CELSR2: variants seen among roughly 807,000 people sequenced by gnomAD.
The protein encoded by CELSR2 is EGF-like protein 2.
Under a neutral mutation model 251.6 loss-of-function variants are expected in CELSR2, and 81 were observed. The observed-to-expected ratio is 0.32, with a 90% CI of 0.27 to 0.39. The LOEUF is 0.39. Ranked by LOEUF, CELSR2 falls within the 10% of genes least tolerant of loss-of-function variation. The pLI is 1.00. For synonymous variants in CELSR2, 1,721 were observed against 1,670.5 expected, an observed-to-expected ratio of 1.03 and a Z score of -0.74; for missense variants, 3,365 against 3,947.7, an observed-to-expected ratio of 0.85 and a Z score of 3.96.
Position 109,258,520 on chromosome 1 carries a change from G to C in CELSR2, c.3399G>C (p.Leu1133=). The C allele has an allele frequency of 6.2e-7, 1 of 1,604,528 alleles. No individual in the cohort carries two copies. Among genetic ancestry groups the C allele is most frequent in the Middle Eastern group, 1.7e-4 (1 of 6,048 alleles). ...EMLTHSITLR[L]EDMSPERFLS... ...TCACCCACAGCATCACGCTGCGCCT[G>C]GAGGACATGTCACCCGAGCGCTTCC... The change falls in exon 2 of 34, where the codon CTG becomes CTC. Residue 1133 remains leucine (L), a synonymous_variant. Transcript: ENST00000271332.
chr1:109,267,941 G>T lies in CELSR2; in HGVS notation c.6199G>T (p.Ala2067Ser). 1.2e-6 allele frequency: 2 copies of T among 1,611,760 alleles called. No homozygotes were observed. The highest frequency in any genetic ancestry group is 2.2e-5 in the South Asian group (2 of 91,072). ...CCTGCGCAACGCCACGCAGCACACA[G>T]CTGGCTACTTCGGCAGCGACGTCAA... Reference protein sequence around the residue: ...LLLRNATQHTAGYFGSDVKVA... With the variant: ...LLLRNATQHTSGYFGSDVKVA... Residue 2067 changes from alanine (A) to serine (S), a missense_variant, in exon 17 of 34, where the codon GCT becomes TCT. This residue lies in a region of CELSR2 where 2,093 missense variants were observed against 2,382.8 expected (regional missense o/e 0.88). Transcript: ENST00000271332.
rs6697131 is a variant in CELSR2 at position 109,262,552 on chromosome 1, A to G, written c.4544+108A>G. The G allele has an allele frequency of 0.011, 15,590 of 1,467,550 alleles. 1,266 individuals are homozygous for G. The African/African-American group carries it at 0.19, about 18-fold the overall frequency. The allele number at this position is 1,467,550 out of a possible 1,614,324, so 90.9% of individuals were successfully genotyped here. A position where few individuals can be genotyped will look rare whatever the true frequency, so the allele number is the denominator to read the frequency against. Reference sequence around the variant, plus strand: ...GGGTCTCTCTCCCTTTGCCTCTCTTAGCCCCTGCTCAGCCCTGGGGATGGG... The same window carrying G: ...GGGTCTCTCTCCCTTTGCCTCTCTTGGCCCCTGCTCAGCCCTGGGGATGGG... On this transcript the variant is annotated intron_variant, in intron 6 of 33. Transcript: ENST00000271332.
intron 15 of CELSR2, among the ~76,000 whole-genome samples, chr1:109,267,126 T>C (rs1353883049): frequency 2.0e-5 from 3 of 151,948 alleles, no homozygotes; most frequent in Non-Finnish European, 4.4e-5. Flanking sequence ...AATCGTCAGC[T>C]CACCACCGAG....
chr1:109,270,235 T>G, intron 23 of CELSR2, 102 bp downstream of exon 23: 1 of 1,362,840 alleles, frequency 7.3e-7, no homozygotes. Context: ...TCTAATAAGG[T>G]GCCTAGTGCA....
At chr1:109,271,164 G>A in intron 25 of CELSR2, 53 bp from the exon 26 acceptor site, 1 of 1,576,038 alleles carries the variant, frequency 6.3e-7, no homozygotes, top group African/African-American at 1.3e-5. Context: ...CTGTGGGCTG[G>A]GTGGAAGCTG....
At position 109,269,917 on chromosome 1, in the gene CELSR2, G is replaced by T; in HGVS notation, c.7108-16G>T. On this transcript the variant is annotated splice_polypyrimidine_tract_variant and intron_variant, in intron 22 of 33. Transcript: ENST00000271332. The surrounding 1 kb of genome is among the most constrained non-coding windows in gnomAD (Gnocchi z 6.4). ...GCCCTTCCTAATTCCCTGGCCCCCT[G>T]CCACCTACTCTGCAGAATGGGGAGA... 7 of 1,614,098 alleles carry T rather than the reference G, an allele frequency of 4.3e-6. No homozygotes were observed. Among genetic ancestry groups the T allele is most frequent in the Non-Finnish European group, 5.9e-6 (7 of 1,179,990 alleles).
In CELSR2 at chr1:109,270,513, C is replaced by T. The variant is rs779033588; in HGVS notation, c.7396C>T (p.Arg2466Trp). The T allele has an allele frequency of 1.8e-5, 29 of 1,614,212 alleles. No homozygotes were observed. Among genetic ancestry groups the T allele is most frequent in the Middle Eastern group, 3.3e-4 (2 of 6,062 alleles). The change falls in exon 24 of 34, where the codon CGG (arginine) becomes TGG (tryptophan). Residue 2466 changes from arginine (R) to tryptophan (W), a missense_variant. Arg to Trp is a moderately radical substitution (Grantham distance 101, BLOSUM62 -3). This residue lies in a region of CELSR2 where 2,093 missense variants were observed against 2,382.8 expected (regional missense o/e 0.88). Coordinates refer to ENST00000271332, the MANE Select transcript of CELSR2 (RefSeq NM_001408.3). ...WALLEALHLY[R>W]ALTEVRDVNT... is the part of the protein sequence containing the mutation. ...TCTGCTGGAGGCCTTGCACCTGTAC[C>T]GGGCACTCACTGAGGTGCGCGATGT...
In CELSR2 at chr1:109,262,413, G is replaced by A; in HGVS notation, c.4513G>A (p.Ala1505Thr). 1 of 1,614,106 alleles carries A rather than the reference G, an allele frequency of 6.2e-7. No individual in the cohort carries two copies. Among genetic ancestry groups the A allele is most frequent in the Non-Finnish European group, 8.5e-7 (1 of 1,180,038 alleles). ...ATCTGTCCTGGGCAACTACTCCTGT[G>A]CTGCCCAGGGCACCCAGGGTGGCAG... The part of the protein sequence containing the change: ...FGSVLGNYSC[A>T]AQGTQGGSKK... Residue 1505 changes from alanine to threonine, a missense_variant, in exon 6 of 34, where the codon GCT becomes ACT. This residue lies in a region of CELSR2 where 2,093 missense variants were observed against 2,382.8 expected (regional missense o/e 0.88). Transcript: ENST00000271332.
At position 109,268,144 on chromosome 1, in the gene CELSR2, G is replaced by A. The variant is rs186144500; in HGVS notation, c.6318+84G>A. ...GCTCATGGCAACCTGGGGGGCAGAG[G>A]GGGCCCTCCCATCCCACCTACAAGG... On this transcript the variant is annotated intron_variant, in intron 17 of 33. Transcript: ENST00000271332. 8.0e-6 allele frequency: 12 copies of A among 1,505,626 alleles called. No homozygotes were observed. The Admixed American group carries it at 1.9e-4, about 24-fold the overall frequency. The allele number at this position is 1,505,626 out of a possible 1,614,324, so 93.3% of individuals were successfully genotyped here.
In CELSR2 at chr1:109,250,225, G is replaced by A; in HGVS notation, c.146G>A (p.Gly49Glu). The A allele has an allele frequency of 6.2e-7, 1 of 1,603,368 alleles. No individual in the cohort carries two copies. The highest frequency in any genetic ancestry group is 8.5e-7 in the Non-Finnish European group (1 of 1,175,550). ...SLGSRGRGSS[G>E]ACAPMGWLCP... ...GGGTCCAGGGGACGAGGCTCTTCGG[G>A]GGCCTGCGCCCCCATGGGCTGGCTC... Residue 49 changes from glycine (G) to glutamate (E), a missense_variant, in exon 1 of 34, where the codon GGG (glycine) becomes GAG (glutamate). Physicochemically the swap from Gly to Glu is moderately conservative, Grantham distance 98. This residue lies in a region of CELSR2 where 704 missense variants were observed against 784.1 expected (regional missense o/e 0.90). Coordinates refer to ENST00000271332, the MANE Select transcript of CELSR2 (RefSeq NM_001408.3). This position sits in a 1 kb window ranked among gnomAD's most constrained non-coding sequence, Gnocchi z 4.4.
Position 109,259,046 on chromosome 1 carries a change from G to T in CELSR2, c.3925G>T (p.Gly1309Cys). The T allele has an allele frequency of 6.3e-7, 1 of 1,594,054 alleles. No homozygotes were observed. The change falls in exon 2 of 34, where the codon GGC (glycine) becomes TGC (cysteine). Residue 1309 changes from glycine to cysteine, a missense_variant. Physicochemically the swap from Gly to Cys is radical, Grantham distance 159. Transcript: ENST00000271332. ...PHGRCRSREG[G>C]YTCLCRDGYT... ...CGGGCGCTGCCGCAGCCGCGAGGGC[G>T]GCTACACCTGCCTCTGTCGTGATGG...
In CELSR2 at chr1:109,265,267, T is replaced by C. The variant is rs1009187395; in HGVS notation, c.5683T>C (p.Phe1895Leu). The stretch of plus-strand genomic sequence containing the variant: ...ATGCAACTGTGATGTCAGCAAAGGC[T>C]TTGACCCAGACTGCAACAAGACAAG... ...GPCNCDVSKG[F>L]DPDCNKTSGE... The change falls in exon 13 of 34, where the codon TTT (phenylalanine) becomes CTT (leucine). Residue 1895 changes from phenylalanine to leucine, a missense_variant. Coordinates refer to ENST00000271332, the MANE Select transcript of CELSR2 (RefSeq NM_001408.3). 1.2e-6 allele frequency: 2 copies of C among 1,612,672 alleles called. No homozygotes were observed. Among genetic ancestry groups the C allele is most frequent in the African/African-American group, 1.3e-5 (1 of 75,004 alleles).
Position 109,252,387 on chromosome 1 carries a change from C to A in CELSR2, c.2308C>A (p.Gln770Lys). 6.2e-7 allele frequency: 1 copy of A among 1,613,188 alleles called. No homozygotes were observed. The highest frequency in any genetic ancestry group is 8.5e-7 in the Non-Finnish European group (1 of 1,180,022). The stretch of plus-strand genomic sequence containing the variant: ...TGCAGACACGGGGGCTGTCACCACC[C>A]AGGCTGAGCTGGACTATGAAGACCA... The part of the protein sequence containing the change: ...IDADTGAVTT[Q>K]AELDYEDQVS... Residue 770 changes from glutamine to lysine, a missense_variant, in exon 1 of 34, where the codon CAG becomes AAG. Around this residue, in one of 5 missense-constraint regions of CELSR2, gnomAD observed 505 missense variants for 660.0 expected, o/e 0.77. Transcript: ENST00000271332. The surrounding 1 kb of genome is among the most constrained non-coding windows in gnomAD (Gnocchi z 4.8).
In CELSR2 at chr1:109,265,790, C is replaced by G; in HGVS notation, c.5783C>G (p.Pro1928Arg). 6.2e-7 allele frequency: 1 copy of G among 1,614,088 alleles called. No homozygotes were observed. The highest frequency in any genetic ancestry group is 8.5e-7 in the Non-Finnish European group (1 of 1,179,964). The change falls in exon 14 of 34, where the codon CCC becomes CGC. Residue 1928 changes from proline to arginine, a missense_variant. Physicochemically the swap from Pro to Arg is moderately radical, Grantham distance 103. This residue lies in a region of CELSR2 where 2,093 missense variants were observed against 2,382.8 expected (regional missense o/e 0.88). Coordinates refer to ENST00000271332, the MANE Select transcript of CELSR2 (RefSeq NM_001408.3). ...ACCTGCCTCTTGTGTGACTGCTACC[C>G]CACAGGCTCCTTGTCCAGAGTCTGT... ...SPTCLLCDCY[P>R]TGSLSRVCDP...
Position 109,258,970 on chromosome 1 carries a change from C to T in CELSR2, c.3849C>T (p.Asp1283=). The T allele has an allele frequency of 6.2e-7, 1 of 1,610,410 alleles. No homozygotes were observed. Among genetic ancestry groups the T allele is most frequent in the Non-Finnish European group, 8.5e-7 (1 of 1,179,610 alleles). Residue 1283 remains aspartate (D), a synonymous_variant, in exon 2 of 34, where the codon GAC becomes GAT. Coordinates refer to ENST00000271332, the MANE Select transcript of CELSR2 (RefSeq NM_001408.3). ...GCTGCCCGCCCGGCTTCACGGGTGA[C>T]TACTGCGAGACCGAGGTGGACCTCT... ...RCRCPPGFTG[D]YCETEVDLCY... is the part of the protein sequence containing the mutation.
Position 109,268,067 on chromosome 1 carries a change from C to T in CELSR2, c.6318+7C>T. On this transcript the variant is annotated splice_region_variant and intron_variant, in intron 17 of 33. Coordinates refer to ENST00000271332, the MANE Select transcript of CELSR2 (RefSeq NM_001408.3). ...GGACGTGCACTTCACTGAGGTGGGGCTTGGAGGATGCAGGGCTGGCTGGTT... is the reference window on the plus strand; with the variant it reads ...GGACGTGCACTTCACTGAGGTGGGGTTTGGAGGATGCAGGGCTGGCTGGTT... 6.3e-7 allele frequency: 1 copy of T among 1,585,998 alleles called. No individual in the cohort carries two copies.
chr1:109,271,170 A>G (rs1411205712), intron 25 of CELSR2, 47 bp from the exon 26 acceptor site: 1 of 1,582,412 alleles, frequency 6.3e-7, no homozygotes. Context: ...GCTGGGTGGA[A>G]GCTGTTTGTC....
chr1:109,255,571 C>T lies in CELSR2; in HGVS notation c.3310+2182C>T, dbSNP rs58635366. Among the ~76,000 whole-genome samples the T allele has an allele frequency of 3.4e-3, 524 of 152,356 alleles. 2 individuals are homozygous for T. The highest frequency in any genetic ancestry group is 0.012 in the African/African-American group (489 of 41,598). Reference sequence around the variant, plus strand: ...CAGAGCCCTCTTGGCCTCCAGTCTCCGCTGGCACATCTGCCAGGGGAAGAG... The same window carrying T: ...CAGAGCCCTCTTGGCCTCCAGTCTCTGCTGGCACATCTGCCAGGGGAAGAG... On this transcript the variant is annotated intron_variant, in intron 1 of 33. Transcript: ENST00000271332.
chr1:109,252,354 C>T lies in CELSR2; in HGVS notation c.2275C>T (p.Arg759Cys), dbSNP rs761593469. The T allele has an allele frequency of 1.1e-5, 17 of 1,612,890 alleles. No individual in the cohort carries two copies. The highest frequency in any genetic ancestry group is 5.3e-5 in the African/African-American group (4 of 74,920). ...CATGGAGGACAGCATCCCCCAGTTCCGCATCGATGCAGACACGGGGGCTGT... is the reference window on the plus strand; with the variant it reads ...CATGGAGGACAGCATCCCCCAGTTCTGCATCGATGCAGACACGGGGGCTGT... ...YFMEDSIPQF[R>C]IDADTGAVTT... Residue 759 changes from arginine (R) to cysteine (C), a missense_variant, in exon 1 of 34, where the codon CGC (arginine) becomes TGC (cysteine). Arg to Cys is a radical substitution (Grantham distance 180, BLOSUM62 -3). Transcript: ENST00000271332. The surrounding 1 kb of genome is among the most constrained non-coding windows in gnomAD (Gnocchi z 4.8).
Sources: allele counts gnomAD v4.1 joint callset (sites outside exome capture counted in the v4.1 genomes callset), GRCh38; gene constraint gnomAD v4.1.1; regional missense constraint gnomAD v4.1.1; non-coding constraint Gnocchi (gnomAD v3.1); transcripts MANE v1.5; gene names NCBI Gene and HGNC (gene_info 2026-07-23, HGNC 2026-07-21).